The following TSPAN9 variants were observed in gnomAD, a reference collection of about 807,000 sequenced individuals.
TSPAN9 encodes the protein tetraspanin-9.
A neutral mutation model predicts 31.0 loss-of-function variants in TSPAN9; 16 were observed. The ratio of observed to expected loss-of-function variants is 0.52; its 90% CI spans 0.35 to 0.78. The LOEUF is 0.78. Among genes scored for constraint, TSPAN9 ranks in the 30% least tolerant of loss-of-function variants. The pLI, the probability that TSPAN9 is intolerant of heterozygous loss-of-function variation, is 0.01. For missense variants in TSPAN9, 272 were observed against 312.5 expected, an observed-to-expected ratio of 0.87 and a Z score of 0.98; for synonymous variants, 145 against 121.6, an observed-to-expected ratio of 1.19 and a Z score of -1.27.
chr12:3,181,988 T>C (rs1179135658), intron 2 of TSPAN9, among the ~76,000 whole-genome samples: 1 of 152,040 alleles, frequency 6.6e-6, no homozygotes, highest in African/African-American at 2.4e-5. Context: ...TGCTTGTGTT[T>C]GTGTGTTGGA....
chr12:3,196,376 A>C (rs1306406040), intron 2 of TSPAN9, among the ~76,000 whole-genome samples: 2 of 152,210 alleles, frequency 1.3e-5, no homozygotes, highest in African/African-American at 4.8e-5. Context: ...ACATCAGGAC[A>C]TGATATTTCA....
chr12:3,272,500 T>G (rs931615213), intron 3 of TSPAN9, among the ~76,000 whole-genome samples: 2,760 of 151,162 alleles, frequency 0.018, 31 homozygotes, highest in Non-Finnish European at 0.028. Flanking sequence ...CATGTGTGTT[T>G]TTTTTTTTTT....
At chr12:3,185,748 C>T (rs1280489830) in intron 2 of TSPAN9, among the ~76,000 whole-genome samples, 1 of 152,232 alleles carries the variant, frequency 6.6e-6, no homozygotes, top group Non-Finnish European at 1.5e-5. Flanking sequence ...TGGGGCTCTA[C>T]TGGCTTTAAC....
At chr12:3,141,706 A>G (rs1259110329) in intron 2 of TSPAN9, among the ~76,000 whole-genome samples, 1 of 152,068 alleles carries the variant, frequency 6.6e-6, no homozygotes, top group Non-Finnish European at 1.5e-5. Context: ...TCTGTGTTGT[A>G]TCTTAGCTGC....
chr12:3,249,910 C>T (rs1862216445), intron 3 of TSPAN9, among the ~76,000 whole-genome samples: 1 of 152,196 alleles, frequency 6.6e-6, no homozygotes, highest in African/African-American at 2.4e-5. Flanking sequence ...GTCGTCTCAC[C>T]ATGCACAAGG....
chr12:3,089,886 A>G (rs2098303317), intron 2 of TSPAN9, among the ~76,000 whole-genome samples: 1 of 152,192 alleles, frequency 6.6e-6, no homozygotes, highest in Non-Finnish European at 1.5e-5. Context: ...AGCCTGGGCA[A>G]CAGAGTGAGA....
intron 3 of TSPAN9, among the ~76,000 whole-genome samples, chr12:3,249,613 G>A (rs1299670176): frequency 2.0e-5 from 3 of 152,212 alleles, no homozygotes; most frequent in African/African-American, 4.8e-5. Flanking sequence ...CCACAAGGTC[G>A]GAATGGACTG....
In TSPAN9 at chr12:3,111,652, C is replaced by T. The variant is rs567352594; in HGVS notation, c.-18+27933C>T. ...AGACAGAGACAGACTCTCACTCTGC[C>T]GCCCAGGCTGGAGTGCAGTGGTGCG... is the stretch of plus-strand genomic sequence containing the variant. On this transcript the variant is annotated intron_variant, in intron 2 of 8. Transcript: ENST00000011898. Among the ~76,000 whole-genome samples, 8 of 150,332 alleles carry T rather than the reference C, an allele frequency of 5.3e-5. No homozygotes were observed. The South Asian group carries it at 1.1e-3, about 20-fold the overall frequency.
chr12:3,133,556 TC>T (rs1383503608), intron 2 of TSPAN9, among the ~76,000 whole-genome samples: 1 of 151,642 alleles, frequency 6.6e-6, no homozygotes, highest in African/African-American at 2.4e-5. Context: ...GCAGTCATCT[TC>T]CCCCCACCCT....
At chr12:3,098,407 C>T (rs188815771) in intron 2 of TSPAN9, among the ~76,000 whole-genome samples, 5 of 152,320 alleles carry the variant, frequency 3.3e-5, no homozygotes, top group East Asian at 1.9e-4. Flanking sequence ...TCCCAGACCT[C>T]GCTTCTGTTC....
At chr12:3,141,679 G>C (rs774500913) in intron 2 of TSPAN9, among the ~76,000 whole-genome samples, 10 of 152,202 alleles carry the variant, frequency 6.6e-5, no homozygotes, top group Non-Finnish European at 1.3e-4. Context: ...GCACCCCAGA[G>C]GCTGGGCTGC....
chr12:3,128,673 G>A (rs892782894), intron 2 of TSPAN9, among the ~76,000 whole-genome samples: 2 of 152,146 alleles, frequency 1.3e-5, no homozygotes, highest in African/African-American at 4.8e-5. Context: ...GAGGCTGCCT[G>A]GGTAACCACT....
intron 2 of TSPAN9, among the ~76,000 whole-genome samples, chr12:3,089,106 C>T (rs1019313170): frequency 4.6e-5 from 7 of 151,314 alleles, no homozygotes; most frequent in Non-Finnish European, 1.0e-4. Context: ...GTGGCGGGCG[C>T]CTGTAGTCCC....
In TSPAN9 at chr12:3,107,170, C is replaced by A. The variant is rs138317585; in HGVS notation, c.-18+23451C>A. On this transcript the variant is annotated intron_variant, in intron 2 of 8. Coordinates refer to ENST00000011898, the MANE Select transcript of TSPAN9 (RefSeq NM_006675.5). The surrounding 1 kb of genome is among the most constrained non-coding windows in gnomAD (Gnocchi z 4.1). ...GGAAATCCAATTAGACTTGAGCCGC[C>A]GGCGGCCCCCTCCGTGGGGAGTGGG... 1.3e-5 allele frequency among the ~76,000 whole-genome samples: 2 copies of A among 152,108 alleles called. No individual in the cohort carries two copies. The highest frequency in any genetic ancestry group is 3.9e-4 in the East Asian group (2 of 5,178).
intron 3 of TSPAN9, among the ~76,000 whole-genome samples, chr12:3,261,649 C>T (rs1448160717): frequency 6.6e-6 from 1 of 152,222 alleles, no homozygotes; most frequent in Non-Finnish European, 1.5e-5. Flanking sequence ...TACTGCTTTT[C>T]AGTGCAAGCA....
intron 3 of TSPAN9, among the ~76,000 whole-genome samples, chr12:3,210,772 C>T (rs2098378256): frequency 1.4e-5 from 2 of 142,976 alleles, no homozygotes; most frequent in Non-Finnish European, 1.5e-5. Flanking sequence ...GAGGCAGGGT[C>T]TCACTCCTGT....
intron 2 of TSPAN9, among the ~76,000 whole-genome samples, chr12:3,150,036 G>A (rs1056258660): frequency 6.6e-6 from 1 of 152,228 alleles, no homozygotes; most frequent in East Asian, 1.9e-4. Context: ...GCAGAGGGGT[G>A]TGGGCAGGAT....
rs1260967342 is a variant in TSPAN9 at position 3,147,874 on chromosome 12, G to A, written c.-17-53303G>A. Among the ~76,000 whole-genome samples the A allele has an allele frequency of 6.6e-6, 1 of 152,172 alleles. No individual in the cohort carries two copies. The highest frequency in any genetic ancestry group is 1.5e-5 in the Non-Finnish European group (1 of 68,030). Reference sequence around the variant, plus strand: ...CTTGTTCTTAGTAAGAGATTACTAAGCTGTGTGAGTGGTGTACACATATGT... The same window carrying A: ...CTTGTTCTTAGTAAGAGATTACTAAACTGTGTGAGTGGTGTACACATATGT... On this transcript the variant is annotated intron_variant, in intron 2 of 8. Coordinates refer to ENST00000011898, the MANE Select transcript of TSPAN9 (RefSeq NM_006675.5). This position sits in a 1 kb window ranked among gnomAD's most constrained non-coding sequence, Gnocchi z 4.3.
At chr12:3,190,907 A>AG (rs1164363712) in intron 2 of TSPAN9, among the ~76,000 whole-genome samples, 2 of 152,232 alleles carry the variant, frequency 1.3e-5, no homozygotes, top group Non-Finnish European at 2.9e-5. Flanking sequence ...GAAGACAAAG[A>AG]GGAGGGACAC....
Sources: allele counts gnomAD v4.1 joint callset (sites outside exome capture counted in the v4.1 genomes callset), GRCh38; gene constraint gnomAD v4.1.1; non-coding constraint Gnocchi (gnomAD v3.1); transcripts MANE v1.5; gene names NCBI Gene and HGNC (gene_info 2026-07-23, HGNC 2026-07-21).